The following ALMS1 variants were observed in gnomAD, a reference collection of about 807,000 sequenced individuals.
The protein encoded by ALMS1 is ALMS1 centrosome and basal body associated protein.
ALMS1 carries 271 observed loss-of-function variants against 352.2 expected under a neutral mutation model. That is an observed-to-expected ratio of 0.77 (90% CI 0.70 to 0.85). The LOEUF is 0.85. Among genes scored for constraint, ALMS1 ranks in the 40% least tolerant of loss-of-function variants. The pLI is 0.00. For synonymous variants in ALMS1, 1,865 were observed against 1,761.2 expected (o/e 1.06, Z -1.48); for missense variants, 5,445 against 4,870.7 (o/e 1.12, Z -3.51).
At chr2:73,445,679 A>G (rs1259225207) in intron 7 of ALMS1, among the ~76,000 whole-genome samples, 3 of 152,058 alleles carry the variant, frequency 2.0e-5, no homozygotes, top group African/African-American at 7.2e-5. Flanking sequence ...GCACCTTAGT[A>G]TGGAGAAGAG....
intron 10 of ALMS1, among the ~76,000 whole-genome samples, chr2:73,510,461 A>G (rs2103941996): frequency 6.6e-6 from 1 of 152,322 alleles, no homozygotes; most frequent in South Asian, 2.1e-4. Context: ...TCCTTCTAAC[A>G]GTCAGGCCCC....
intron 10 of ALMS1, among the ~76,000 whole-genome samples, chr2:73,508,660 G>C (rs1411929840): frequency 6.6e-6 from 1 of 152,184 alleles, no homozygotes; most frequent in African/African-American, 2.4e-5. Context: ...TGAGGAGAAT[G>C]TATATTCTGT....
chr2:73,401,430 T>A (rs1485755736), intron 1 of ALMS1, among the ~76,000 whole-genome samples: 1 of 152,222 alleles, frequency 6.6e-6, no homozygotes, highest in Non-Finnish European at 1.5e-5. Context: ...ATTCTTACTT[T>A]CATTTAGTTG....
At chr2:73,421,974 C>G (rs1377080993) in intron 3 of ALMS1, among the ~76,000 whole-genome samples, 3 of 151,998 alleles carry the variant, frequency 2.0e-5, no homozygotes, top group Non-Finnish European at 4.4e-5. Context: ...ATTAAAGCAG[C>G]AGTTCAAACT....
Position 73,491,177 on chromosome 2 carries a change from C to G in ALMS1, c.9218C>G (p.Ala3073Gly). 1 of 1,614,154 alleles carries G rather than the reference C, an allele frequency of 6.2e-7. No individual in the cohort carries two copies. The highest frequency in any genetic ancestry group is 8.5e-7 in the Non-Finnish European group (1 of 1,180,014). The change falls in exon 10 of 23, where the codon GCT (alanine) becomes GGT (glycine). Residue 3073 changes from alanine to glycine, a missense_variant. Coordinates refer to ENST00000613296, the MANE Select transcript of ALMS1 (RefSeq NM_001378454.1). ...TLDERFHSLD[A>G]ASKARMNSEF... Reference sequence around the variant, plus strand: ...GATGAAAGATTCCATTCATTGGATGCTGCTTCTAAAGCGAGGATGAATAGT... The same window carrying G: ...GATGAAAGATTCCATTCATTGGATGGTGCTTCTAAAGCGAGGATGAATAGT...
chr2:73,568,251 CTA>C (rs1000651044), intron 15 of ALMS1, among the ~76,000 whole-genome samples: 2 of 152,124 alleles, frequency 1.3e-5, no homozygotes, highest in Non-Finnish European at 2.9e-5. Flanking sequence ...TCTTATAAGA[CTA>C]TTATTAGAAG....
At position 73,455,292 on chromosome 2, in the gene ALMS1, C is replaced by T. The variant is rs749872283; in HGVS notation, c.7671C>T (p.Ser2557=). The change falls in exon 9 of 23, where the codon TCC becomes TCT. Residue 2557 remains serine (S), a synonymous_variant. Coordinates refer to ENST00000613296, the MANE Select transcript of ALMS1 (RefSeq NM_001378454.1). ...LFGHGRTTDL[S]KGLQSPRGMG... The stretch of plus-strand genomic sequence containing the variant: ...GTCATGGAAGAACAACTGACTTGTC[C>T]AAGGTATAAAAGAAATCTGGAAATG... The T allele has an allele frequency of 1.9e-6, 3 of 1,613,862 alleles. No homozygotes were observed. The highest frequency in any genetic ancestry group is 1.7e-6 in the Non-Finnish European group (2 of 1,179,940).
chr2:73,551,754 C>T (rs1413631181), intron 13 of ALMS1, among the ~76,000 whole-genome samples: 1 of 151,780 alleles, frequency 6.6e-6, no homozygotes, highest in Non-Finnish European at 1.5e-5. Context: ...TTTATAAAAG[C>T]TTTTTTTCTT....
chr2:73,474,399 G>GTC (rs1351184097), intron 9 of ALMS1, among the ~76,000 whole-genome samples: 31 of 72,396 alleles, frequency 4.3e-4, no homozygotes, highest in South Asian at 1.1e-3. Flanking sequence ...GTGTGTGTGT[G>GTC]TGTGTGTGTG....
chr2:73,484,209 T>C (rs1262855239), intron 9 of ALMS1, among the ~76,000 whole-genome samples: 2 of 151,798 alleles, frequency 1.3e-5, no homozygotes, highest in Admixed American at 6.5e-5. Flanking sequence ...CAGCGGCTGG[T>C]ACTGGTTGTT....
intron 16 of ALMS1, among the ~76,000 whole-genome samples, chr2:73,582,916 A>T (rs1260420305): frequency 6.6e-6 from 1 of 152,156 alleles, no homozygotes; most frequent in African/African-American, 2.4e-5. Context: ...CAGATCATAT[A>T]TAGTAGTTCT....
chr2:73,586,847 C>T (rs556555825), intron 16 of ALMS1, among the ~76,000 whole-genome samples: 1 of 152,300 alleles, frequency 6.6e-6, no homozygotes, highest in South Asian at 2.1e-4. Context: ...GCAATATGGT[C>T]ATTTTCACAA....
chr2:73,500,106 T>G (rs1221205477), intron 10 of ALMS1, among the ~76,000 whole-genome samples: 1 of 152,228 alleles, frequency 6.6e-6, no homozygotes, highest in East Asian at 1.9e-4. Context: ...GAGATTTTTC[T>G]GGTTCTAAAT....
chr2:73,437,152 TCAAA>T (rs960098599), intron 7 of ALMS1, among the ~76,000 whole-genome samples: 1 of 152,244 alleles, frequency 6.6e-6, no homozygotes, highest in African/African-American at 2.4e-5. Context: ...ATGCTCTGTT[TCAAA>T]CAAAGTCATT....
chr2:73,456,056 A>G (rs1370019748), intron 9 of ALMS1, among the ~76,000 whole-genome samples: 2 of 152,216 alleles, frequency 1.3e-5, no homozygotes, highest in East Asian at 3.8e-4. Flanking sequence ...TCATTTATGT[A>G]AAGAATAGCA....
intron 16 of ALMS1, among the ~76,000 whole-genome samples, chr2:73,584,632 C>G (rs1203696504): frequency 1.3e-5 from 2 of 152,036 alleles, no homozygotes; most frequent in Non-Finnish European, 2.9e-5. Flanking sequence ...TGCTTTGTTT[C>G]TTTCTTTATT....
chr2:73,558,698 C>T (rs1674593929), intron 14 of ALMS1, among the ~76,000 whole-genome samples: 1 of 152,052 alleles, frequency 6.6e-6, no homozygotes, highest in African/African-American at 2.4e-5. Flanking sequence ...ATGCCAAAAT[C>T]AGTTGTCTAG....
At chr2:73,586,721 G>A (rs1396773094) in intron 16 of ALMS1, among the ~76,000 whole-genome samples, 1 of 152,002 alleles carries the variant, frequency 6.6e-6, no homozygotes, top group African/African-American at 2.4e-5. Flanking sequence ...GTCATGCTTC[G>A]GCTGTGTGTG....
At chr2:73,393,493 T>C (rs1670694009) in intron 1 of ALMS1, among the ~76,000 whole-genome samples, 1 of 152,160 alleles carries the variant, frequency 6.6e-6, no homozygotes, top group South Asian at 2.1e-4. Context: ...GGGCTTTTAG[T>C]GTATCCATCA....
Sources: gnomAD v4.1 joint callset for allele counts (sites outside exome capture counted in the v4.1 genomes callset) on GRCh38, gnomAD v4.1.1 for gene constraint, MANE v1.5 for transcripts, NCBI Gene and HGNC (gene_info 2026-07-23, HGNC 2026-07-21) for gene names.